Variants in PLCB1 observed in about 807,000 individuals in gnomAD.
PLCB1 encodes the protein 1-phosphatidylinositol 4,5-bisphosphate phosphodiesterase beta-1.
Under a neutral mutation model 161.8 loss-of-function variants are expected in PLCB1, and 46 were observed. The ratio of observed to expected loss-of-function variants is 0.28; its 90% CI spans 0.22 to 0.36. The LOEUF is 0.36. PLCB1 is among the 10% of genes least tolerant of loss of function. PLCB1 has a pLI of 1.00. For missense variants in PLCB1, 1,016 were observed against 1,472.5 expected (o/e 0.69, Z 5.07); for synonymous variants, 517 against 503.7 (o/e 1.03, Z -0.35).
chr20:8,555,264 A>G (rs564710785), intron 3 of PLCB1, among the ~76,000 whole-genome samples: 222 of 152,192 alleles, frequency 1.5e-3, no homozygotes, highest in Non-Finnish European at 2.1e-3. Context: ...ATAGGGTTGA[A>G]TGGGTTTCAA....
At chr20:8,459,931 A>G (rs1211383491) in intron 3 of PLCB1, among the ~76,000 whole-genome samples, 3 of 152,200 alleles carry the variant, frequency 2.0e-5, no homozygotes, top group Non-Finnish European at 4.4e-5. Context: ...ATAAATATCA[A>G]TATGTGAACA....
intron 3 of PLCB1, among the ~76,000 whole-genome samples, chr20:8,483,189 AT>A (rs1190228414): frequency 9.2e-5 from 14 of 152,170 alleles, no homozygotes; most frequent in Admixed American, 9.2e-4. Flanking sequence ...CTCTAATTCT[AT>A]TGTAAGCACC....
chr20:8,648,171 A>C (rs1349431134), intron 6 of PLCB1, among the ~76,000 whole-genome samples: 2 of 152,194 alleles, frequency 1.3e-5, no homozygotes, highest in Non-Finnish European at 2.9e-5. Context: ...TTCAAGAAAT[A>C]CCAAAGCAGG....
chr20:8,654,113 T>G (rs1989389865), intron 7 of PLCB1, among the ~76,000 whole-genome samples: 1 of 152,066 alleles, frequency 6.6e-6, no homozygotes. Flanking sequence ...ACCAGGTCTA[T>G]GGAATCTAGA....
chr20:8,153,308 T>C (rs1194606204), intron 2 of PLCB1, among the ~76,000 whole-genome samples: 2 of 152,138 alleles, frequency 1.3e-5, no homozygotes, highest in African/African-American at 2.4e-5. Context: ...GTAAATCTTA[T>C]TGAATAAAAT....
intron 3 of PLCB1, among the ~76,000 whole-genome samples, chr20:8,542,425 A>G (rs572960929): frequency 6.6e-6 from 1 of 152,326 alleles, no homozygotes; most frequent in East Asian, 1.9e-4. Flanking sequence ...TTAGCTGCCC[A>G]GTCTTGTCAA....
intron 1 of PLCB1, among the ~76,000 whole-genome samples, chr20:8,137,414 G>T (rs998147694): frequency 4.6e-5 from 7 of 152,308 alleles, no homozygotes; most frequent in Non-Finnish European, 1.0e-4. Flanking sequence ...ACTACAAAGT[G>T]CAAGGTGGAT....
intron 31 of PLCB1, among the ~76,000 whole-genome samples, chr20:8,819,780 G>C (rs180895642): frequency 6.6e-6 from 1 of 152,176 alleles, no homozygotes; most frequent in East Asian, 1.9e-4. Flanking sequence ...GTTTACAGTT[G>C]TCCCAGATGC....
chr20:8,529,233 A>G (rs1984701111), intron 3 of PLCB1, among the ~76,000 whole-genome samples: 1 of 152,094 alleles, frequency 6.6e-6, no homozygotes, highest in South Asian at 2.1e-4. Context: ...TCATTTTCCA[A>G]AAGATTAAAC....
At chr20:8,483,771 C>T (rs1171657551) in intron 3 of PLCB1, among the ~76,000 whole-genome samples, 2 of 152,160 alleles carry the variant, frequency 1.3e-5, no homozygotes, top group Non-Finnish European at 2.9e-5. Flanking sequence ...GACTAGTATC[C>T]TGTTAAAACC....
intron 2 of PLCB1, among the ~76,000 whole-genome samples, chr20:8,190,795 C>T (rs1235076354): frequency 2.6e-5 from 4 of 151,980 alleles, no homozygotes; most frequent in African/African-American, 9.7e-5. Flanking sequence ...CTCTAAATGC[C>T]CTGGTTTTGT....
chr20:8,176,771 G>A (rs1430133575), intron 2 of PLCB1, among the ~76,000 whole-genome samples: 1 of 151,958 alleles, frequency 6.6e-6, no homozygotes, highest in Non-Finnish European at 1.5e-5. Flanking sequence ...AGGTAAAAGG[G>A]CTCCCTCTAT....
At chr20:8,254,206 A>AT (rs36043441) in intron 2 of PLCB1, among the ~76,000 whole-genome samples, 33,381 of 151,886 alleles carry the variant, frequency 0.22, 4,109 homozygotes, top group Non-Finnish European at 0.28. Context: ...CACATTTTGA[A>AT]GTCATCTAGT....
chr20:8,587,651 G>A (rs938252765), intron 3 of PLCB1, among the ~76,000 whole-genome samples: 1 of 152,100 alleles, frequency 6.6e-6, no homozygotes, highest in African/African-American at 2.4e-5. Flanking sequence ...TTGTACATTT[G>A]TTGCCATTGG....
chr20:8,853,365 T>G (rs571116759), intron 31 of PLCB1, among the ~76,000 whole-genome samples: 2 of 152,292 alleles, frequency 1.3e-5, no homozygotes, highest in Non-Finnish European at 2.9e-5. Flanking sequence ...TCCCTCGTGC[T>G]CCAACCCAGT....
At chr20:8,156,644 C>A (rs1209060556) in intron 2 of PLCB1, among the ~76,000 whole-genome samples, 1 of 152,198 alleles carries the variant, frequency 6.6e-6, no homozygotes, top group African/African-American at 2.4e-5. Flanking sequence ...AGGAAACCAG[C>A]TTTGAAGCTG....
intron 3 of PLCB1, among the ~76,000 whole-genome samples, chr20:8,373,353 A>G (rs1406632576): frequency 6.6e-6 from 1 of 152,174 alleles, no homozygotes; most frequent in African/African-American, 2.4e-5. Context: ...CTGAGACTCC[A>G]GCTTCTTCCT....
At chr20:8,699,894 C>A (rs1990661418) in intron 11 of PLCB1, among the ~76,000 whole-genome samples, 1 of 152,178 alleles carries the variant, frequency 6.6e-6, no homozygotes, top group African/African-American at 2.4e-5. Context: ...TAATTCTGAT[C>A]AAAATCTTTA....
chr20:8,445,151 G>A (rs1382312438), intron 3 of PLCB1, among the ~76,000 whole-genome samples: 2 of 152,106 alleles, frequency 1.3e-5, no homozygotes, highest in Non-Finnish European at 2.9e-5. Flanking sequence ...TATTGCCTAG[G>A]TTTTCTTCTA....
Sources: gnomAD v4.1 joint callset for allele counts (sites outside exome capture counted in the v4.1 genomes callset) on GRCh38, gnomAD v4.1.1 for gene constraint, MANE v1.5 for transcripts, NCBI Gene and HGNC (gene_info 2026-07-23, HGNC 2026-07-21) for gene names.